The following ELAVL4 variants were observed in gnomAD, a reference collection of about 807,000 sequenced individuals.
ELAVL4 encodes the protein ELAV-like protein 4.
Under a neutral mutation model 35.6 loss-of-function variants are expected in ELAVL4, and 1 was observed. That is an observed-to-expected ratio of 0.03 (90% CI 0.01 to 0.13). The LOEUF (loss-of-function observed/expected upper bound fraction) is 0.13, where lower values mean the gene tolerates loss of function less well. Among genes scored for constraint, ELAVL4 ranks in the 10% least tolerant of loss-of-function variants. The pLI, the probability that ELAVL4 is intolerant of heterozygous loss-of-function variation, is 1.00. For synonymous variants in ELAVL4, 156 were observed against 171.0 expected (o/e 0.91, Z 0.69); for missense variants, 267 against 464.9 (o/e 0.57, Z 3.91).
chr1:50,109,016 C>CGCG lies in ELAVL4; in HGVS notation c.-174_-173insGCG. ...CTCCTTTTCTTTTTTTTCTTTCTCT[C>CGCG]CCCCGCCCACCCCCCCAAAAATAAT... On this transcript the variant is annotated 5_prime_UTR_variant, in exon 1 of 7. Transcript: ENST00000371824. 3.3e-6 allele frequency: 3 copies of CGCG among 905,782 alleles called. No homozygotes were observed. Among genetic ancestry groups the CGCG allele is most frequent in the Non-Finnish European group, 3.9e-6 (3 of 761,398 alleles). 56.1% of individuals were successfully genotyped at this position (905,782 alleles called of 1,614,324 possible). A position where few individuals can be genotyped will look rare whatever the true frequency, so the allele number is the denominator to read the frequency against.
chr1:50,111,896 A>G (rs977149390), intron 1 of ELAVL4, among the ~76,000 whole-genome samples: 6 of 152,142 alleles, frequency 3.9e-5, no homozygotes, highest in East Asian at 1.9e-4. Flanking sequence ...CGTAAAAACA[A>G]TTGAAATGGT....
At chr1:50,134,967 T>G (rs143466874) in intron 1 of ELAVL4, among the ~76,000 whole-genome samples, 1 of 152,276 alleles carries the variant, frequency 6.6e-6, no homozygotes, top group East Asian at 1.9e-4. Flanking sequence ...GTGATGTGTC[T>G]GGGGAAGAAG....
At chr1:50,094,742 CAATAAATAAATAAATA>C (rs60522222) in intron 1 of ELAVL4, among the ~76,000 whole-genome samples, 1 of 135,522 alleles carries the variant, frequency 7.4e-6, no homozygotes, top group African/African-American at 2.8e-5. Context: ...CCTGTCTCTA[CAATAAATAAATAAATA>C]AATAAATAAA....
intron 3 of ELAVL4, among the ~76,000 whole-genome samples, chr1:50,179,140 C>T (rs563820558): frequency 6.6e-6 from 1 of 152,198 alleles, no homozygotes; most frequent in Admixed American, 6.5e-5. Context: ...GTCAGTCTGC[C>T]TCCTTCCGTT....
chr1:50,105,071 T>C (rs941118407), upstream of ELAVL4, among the ~76,000 whole-genome samples: 3 of 152,252 alleles, frequency 2.0e-5, no homozygotes, highest in African/African-American at 7.2e-5. Flanking sequence ...AGAGGCTTAA[T>C]ATTTTGTATT....
chr1:50,157,710 G>A (rs1175654987), intron 2 of ELAVL4, among the ~76,000 whole-genome samples: 3 of 152,274 alleles, frequency 2.0e-5, no homozygotes, highest in African/African-American at 2.4e-5. Flanking sequence ...TGAAAATAGC[G>A]GCTGTGAGTC....
Position 50,162,057 on chromosome 1 carries a change from C to A in ELAVL4, c.251-15032C>A, listed in dbSNP as rs184588696. Among the ~76,000 whole-genome samples the A allele has an allele frequency of 8.1e-4, 123 of 152,254 alleles. 1 individual carries two copies. Among genetic ancestry groups the A allele is most frequent in the Admixed American group, 8.0e-3 (122 of 15,302 alleles). ...CTGAAATCAGAAACTCTATTAAAGG[C>A]CTGTATGGGCTTTGGAGCTGGATGG... On this transcript the variant is annotated intron_variant, in intron 2 of 6. Transcript: ENST00000371824.
rs539880685 is a variant in ELAVL4 at position 50,164,019 on chromosome 1, G to A, written c.251-13070G>A. ...AGAAAGCTACTTCTCCCTCTGGGCCGTAATGGGCCTTAATTTCCCCTTTAG... is the reference window on the plus strand; with the variant it reads ...AGAAAGCTACTTCTCCCTCTGGGCCATAATGGGCCTTAATTTCCCCTTTAG... On this transcript the variant is annotated intron_variant, in intron 2 of 6. Coordinates refer to ENST00000371824, the MANE Select transcript of ELAVL4 (RefSeq NM_001144774.3). Among the ~76,000 whole-genome samples the A allele has an allele frequency of 3.9e-5, 6 of 152,278 alleles. No homozygotes were observed. The South Asian group carries it at 6.2e-4, about 16-fold the overall frequency.
chr1:50,131,148 A>G (rs1670785848), intron 1 of ELAVL4, among the ~76,000 whole-genome samples: 1 of 152,194 alleles, frequency 6.6e-6, no homozygotes, highest in Admixed American at 6.5e-5. Context: ...ATAAATATAC[A>G]TGATAATATA....
intron 1 of ELAVL4, chr1:50,114,941 G>A (rs1307485327): frequency 6.6e-6 from 1 of 152,032 alleles, no homozygotes; most frequent in Admixed American, 6.6e-5. Context: ...TCTGCTTAAT[G>A]GTAATATTTA....
chr1:50,100,246 T>C (rs1572174379), upstream of ELAVL4, among the ~76,000 whole-genome samples: 3 of 152,344 alleles, frequency 2.0e-5, no homozygotes, highest in East Asian at 5.8e-4. Flanking sequence ...CAGTGAATGT[T>C]CCGTCAATAT....
At chr1:50,050,445 A>T (rs1663293211) in intron 1 of ELAVL4, among the ~76,000 whole-genome samples, 1 of 152,190 alleles carries the variant, frequency 6.6e-6, no homozygotes, top group South Asian at 2.1e-4. Context: ...GTGAACCTTT[A>T]TGATCTGTGC....
At chr1:50,140,717 T>G (rs920559894) in intron 1 of ELAVL4, among the ~76,000 whole-genome samples, 2 of 152,180 alleles carry the variant, frequency 1.3e-5, no homozygotes, top group African/African-American at 4.8e-5. Flanking sequence ...ACAGCACACT[T>G]TTATTGAGAA....
At chr1:50,103,853 C>T, upstream of ELAVL4, 1 of 1,537,998 alleles carries the variant, frequency 6.5e-7, no homozygotes. Context: ...ACAGCCGGAA[C>T]AGGAGGAAAA....
At chr1:50,172,443 G>A (rs1679183532) in intron 2 of ELAVL4, among the ~76,000 whole-genome samples, 1 of 152,124 alleles carries the variant, frequency 6.6e-6, no homozygotes, top group African/African-American at 2.4e-5. Flanking sequence ...AACTAGTTGT[G>A]GCAGAGAGTA....
At chr1:50,143,340 T>C (rs962008664) in intron 1 of ELAVL4, among the ~76,000 whole-genome samples, 1 of 152,216 alleles carries the variant, frequency 6.6e-6, no homozygotes, top group African/African-American at 2.4e-5. Context: ...TTATCAGATG[T>C]CTGCTATGCC....
chr1:50,156,819 A>G (rs1359574201), intron 2 of ELAVL4, among the ~76,000 whole-genome samples: 6 of 152,188 alleles, frequency 3.9e-5, no homozygotes, highest in Non-Finnish European at 8.8e-5. Flanking sequence ...GGTTTCCCAC[A>G]TTCTTGCTGT....
intron 2 of ELAVL4, among the ~76,000 whole-genome samples, chr1:50,150,712 T>C (rs1440842405): frequency 6.6e-6 from 1 of 152,234 alleles, no homozygotes; most frequent in Admixed American, 6.5e-5. Context: ...GGTTGAATTT[T>C]ACTTCTGAGA....
intron 1 of ELAVL4, among the ~76,000 whole-genome samples, chr1:50,126,305 C>T (rs1341973048): frequency 6.6e-6 from 1 of 152,078 alleles, no homozygotes; most frequent in African/African-American, 2.4e-5. Flanking sequence ...TTGGCCCCAT[C>T]CTCTTGGTGT....
Sources: gnomAD v4.1 joint callset for allele counts (sites outside exome capture counted in the v4.1 genomes callset) on GRCh38, gnomAD v4.1.1 for gene constraint, MANE v1.5 for transcripts, NCBI Gene and HGNC (gene_info 2026-07-23, HGNC 2026-07-21) for gene names.